Variants in SREBF2 observed in about 807,000 individuals in gnomAD.
The protein encoded by SREBF2 is sterol regulatory element-binding protein 2.
Under a neutral mutation model 113.1 loss-of-function variants are expected in SREBF2, and 55 were observed. The observed-to-expected ratio is 0.49, with a 90% CI of 0.39 to 0.61. The LOEUF (loss-of-function observed/expected upper bound fraction) is 0.61. Among genes scored for constraint, SREBF2 ranks in the 20% least tolerant of loss-of-function variants. SREBF2 has a pLI of 0.00. For missense variants in SREBF2, 1,349 were observed against 1,487.4 expected, an observed-to-expected ratio of 0.91 and a Z score of 1.53; for synonymous variants, 593 against 605.7, an observed-to-expected ratio of 0.98 and a Z score of 0.31.
Position 41,897,148 on chromosome 22 carries a change from C to A in SREBF2, c.2592C>A (p.Leu864=). The change falls in exon 14 of 19, where the codon CTC becomes CTA. Residue 864 remains leucine, a synonymous_variant. Transcript: ENST00000361204. ...CCCCACTCTCCAGGAGCTCCGTGCT[C>A]AAGTCCGCCCTGGGTAAGCACCTGC... is the stretch of plus-strand genomic sequence containing the variant. ...MSPPLSRSSV[L]KSALGPDIIC... The A allele has an allele frequency of 6.2e-7, 1 of 1,611,034 alleles. No individual in the cohort carries two copies. Among genetic ancestry groups the A allele is most frequent in the South Asian group, 1.1e-5 (1 of 90,712 alleles).
chr22:41,854,758 A>T (rs1206867433), intron 1 of SREBF2, among the ~76,000 whole-genome samples: 1 of 151,734 alleles, frequency 6.6e-6, no homozygotes, highest in Admixed American at 6.6e-5. Context: ...AATGCCAGCT[A>T]CTCAGGAGCC....
chr22:41,884,264 T>G (rs934644652), intron 10 of SREBF2, among the ~76,000 whole-genome samples: 5 of 152,196 alleles, frequency 3.3e-5, no homozygotes, highest in African/African-American at 1.2e-4. Flanking sequence ...GCCTTCCAAG[T>G]AGCTGCAATT....
At chr22:41,864,261 T>TATATATATATATACAC (rs1204150898) in intron 1 of SREBF2, among the ~76,000 whole-genome samples, 1 of 51,006 alleles carries the variant, frequency 2.0e-5, no homozygotes, top group East Asian at 6.0e-4. Flanking sequence ...TATATATATA[T>TATATATATATATACAC]ACACACACAC....
At chr22:41,877,849 G>T in intron 8 of SREBF2, 93 bp from the exon 9 acceptor site, 1 of 1,320,382 alleles carries the variant, frequency 7.6e-7, no homozygotes, top group East Asian at 2.3e-5. Flanking sequence ...TGAGGTAGAA[G>T]ACTCTTTCCT....
chr22:41,885,273 T>G (rs1015493238), intron 11 of SREBF2, among the ~76,000 whole-genome samples: 1 of 152,202 alleles, frequency 6.6e-6, no homozygotes, highest in Non-Finnish European at 1.5e-5. Context: ...TGAGGTAATA[T>G]GAAGATTGGT....
chr22:41,850,318 G>A (rs2076916388), intron 1 of SREBF2, among the ~76,000 whole-genome samples: 2 of 149,866 alleles, frequency 1.3e-5, no homozygotes, highest in African/African-American at 2.5e-5. Context: ...GTGTGGTGGC[G>A]GGCACCTGTA....
At chr22:41,870,602 G>A (rs916453001) in intron 3 of SREBF2, among the ~76,000 whole-genome samples, 1 of 146,640 alleles carries the variant, frequency 6.8e-6, no homozygotes, top group African/African-American at 2.6e-5. Flanking sequence ...CTCCAGCCTG[G>A]GCAACAGAGA....
At chr22:41,870,524 G>A (rs966701201) in intron 3 of SREBF2, among the ~76,000 whole-genome samples, 4 of 151,766 alleles carry the variant, frequency 2.6e-5, no homozygotes, top group African/African-American at 9.7e-5. Context: ...TACTCAGGAG[G>A]CTGAGGCAGC....
intron 1 of SREBF2, among the ~76,000 whole-genome samples, chr22:41,859,796 ATTCTTTTTTTTTTT>A (rs2077008847): frequency 1.1e-5 from 1 of 89,038 alleles, no homozygotes; most frequent in South Asian, 3.8e-4. Flanking sequence ...GGATATGGTG[ATTCTTTTTTTTTTT>A]TTTTTTTTTT....
At chr22:41,877,513 G>A in intron 8 of SREBF2, 92 bp downstream of exon 8, 7 of 1,432,134 alleles carry the variant, frequency 4.9e-6, no homozygotes, top group Non-Finnish European at 6.7e-6. Context: ...TTGGCTACCA[G>A]GTCCCAAAGG....
intron 9 of SREBF2, 29 bp from the exon 10 acceptor site, chr22:41,880,687 G>T: frequency 6.2e-7 from 1 of 1,614,062 alleles, no homozygotes; most frequent in South Asian, 1.1e-5. Flanking sequence ...CAAGGCCAGT[G>T]ACCATTAACA....
At chr22:41,894,727 A>G in intron 12 of SREBF2, 93 bp from the exon 13 acceptor site, 1 of 1,074,402 alleles carries the variant, frequency 9.3e-7, no homozygotes, top group Non-Finnish European at 1.5e-6. Flanking sequence ...CCCCATTCAC[A>G]AGGCATGGCT....
At chr22:41,861,918 C>CA (rs879937662) in intron 1 of SREBF2, among the ~76,000 whole-genome samples, 199 of 122,254 alleles carry the variant, frequency 1.6e-3, no homozygotes, top group African/African-American at 2.7e-3. Flanking sequence ...GACTTTGTCT[C>CA]AAAAAAAAAA....
At position 41,903,522 on chromosome 22, in the gene SREBF2, T is replaced by C. The variant is rs141425300; in HGVS notation, c.3093+367T>C. ...TCCTGGCCTGGTCCCGAGCTCCACG[T>C]TGACTTTCATTCTTTTTCACAGTAG... On this transcript the variant is annotated intron_variant, in intron 17 of 18. Coordinates refer to ENST00000361204, the MANE Select transcript of SREBF2 (RefSeq NM_004599.4). 3.7e-4 allele frequency among the ~76,000 whole-genome samples: 56 copies of C among 152,332 alleles called. 2 individuals are homozygous for C. In the East Asian group the frequency reaches 0.01, roughly 28 times the overall value.
intron 4 of SREBF2, 128 bp from the exon 5 acceptor site, chr22:41,873,670 G>A (rs2077166474): frequency 3.3e-6 from 3 of 913,052 alleles, no homozygotes; most frequent in Non-Finnish European, 5.2e-6. Context: ...AACCCAGGAA[G>A]AGTCTCAGAC....
At chr22:41,846,714 T>C (rs1470536212) in intron 1 of SREBF2, among the ~76,000 whole-genome samples, 1 of 152,228 alleles carries the variant, frequency 6.6e-6, no homozygotes, top group African/African-American at 2.4e-5. Flanking sequence ...TTGCTCAAAC[T>C]ATTTCCTTTG....
At chr22:41,877,887 C>T (rs2077211302) in intron 8 of SREBF2, 55 bp from the exon 9 acceptor site, 2 of 1,601,748 alleles carry the variant, frequency 1.2e-6, no homozygotes, top group Non-Finnish European at 1.7e-6. Context: ...TGTCAGGTGC[C>T]TGGCTGCTCC....
Position 41,868,779 on chromosome 22 carries a change from T to C in SREBF2, c.707T>C (p.Val236Ala), listed in dbSNP as rs2077111621. ...GTGCAGACAGTTGCTGCGCCACAGG[T>C]GCAGCAGGTCCCGGTAAGTGGCTGG... Reference protein sequence around the residue: ...ATVQTVAAPQVQQVPVLVQPQ... With the variant: ...ATVQTVAAPQAQQVPVLVQPQ... The change falls in exon 3 of 19, where the codon GTG (valine) becomes GCG (alanine). Residue 236 changes from valine to alanine, a missense_variant. By Grantham distance (64) the Val-to-Ala change is moderately conservative (BLOSUM62 0). Coordinates refer to ENST00000361204, the MANE Select transcript of SREBF2 (RefSeq NM_004599.4). 6.2e-7 allele frequency: 1 copy of C among 1,611,602 alleles called. No homozygotes were observed. The highest frequency in any genetic ancestry group is 8.5e-7 in the Non-Finnish European group (1 of 1,178,928).
chr22:41,898,933 C>A, intron 15 of SREBF2, 152 bp downstream of exon 15: 1 of 1,123,506 alleles, frequency 8.9e-7, no homozygotes, highest in Non-Finnish European at 1.3e-6. Context: ...GTGAGGGCAC[C>A]ATGGAGAACT....
Sources: gnomAD v4.1 joint callset for allele counts (sites outside exome capture counted in the v4.1 genomes callset) on GRCh38, gnomAD v4.1.1 for gene constraint, MANE v1.5 for transcripts, NCBI Gene and HGNC (gene_info 2026-07-23, HGNC 2026-07-21) for gene names.